APBB1IP: variants seen among roughly 807,000 people sequenced by gnomAD.
APBB1IP encodes amyloid beta precursor protein binding family B member 1 interacting protein.
Under a neutral mutation model 64.9 loss-of-function variants are expected in APBB1IP, and 27 were observed. The observed-to-expected ratio is 0.42, with a 90% CI of 0.31 to 0.57. The LOEUF is 0.57. APBB1IP is among the 20% of genes least tolerant of loss of function. The pLI is 0.20. For synonymous variants in APBB1IP, 392 were observed against 331.0 expected, an observed-to-expected ratio of 1.18 and a Z score of -2.00; for missense variants, 812 against 845.5, an observed-to-expected ratio of 0.96 and a Z score of 0.49.
At chr10:26,551,210 G>T (rs924109159) in intron 11 of APBB1IP, among the ~76,000 whole-genome samples, 2 of 152,172 alleles carry the variant, frequency 1.3e-5, no homozygotes, top group African/African-American at 2.4e-5. Flanking sequence ...TTTGTCCCTT[G>T]CTGGCCTCAC....
rs1052552657 is a variant in APBB1IP at position 26,513,736 on chromosome 10, G to T, written c.813+76G>T. The T allele has an allele frequency of 6.7e-6, 10 of 1,484,658 alleles. 1 individual carries two copies. The African/African-American group carries it at 8.6e-5, about 13-fold the overall frequency. 92.0% of individuals were successfully genotyped at this position (1,484,658 alleles called of 1,614,324 possible). On this transcript the variant is annotated intron_variant, in intron 8 of 14. Coordinates refer to ENST00000376236, the MANE Select transcript of APBB1IP (RefSeq NM_019043.4). ...TTTTTTTTGAGACGGAGTCTCAAAG[G>T]CTGGAGACAGGGTCTGAAAGGCTGG...
intron 10 of APBB1IP, among the ~76,000 whole-genome samples, chr10:26,538,996 T>C (rs1000926713): frequency 3.1e-4 from 47 of 152,224 alleles, no homozygotes; most frequent in African/African-American, 1.0e-3. Flanking sequence ...ATTCAACAAA[T>C]AGAACTGAAA....
intron 2 of APBB1IP, among the ~76,000 whole-genome samples, chr10:26,460,950 G>A (rs937589100): frequency 6.6e-6 from 1 of 152,146 alleles, no homozygotes; most frequent in African/African-American, 2.4e-5. Flanking sequence ...TTCACTTCAT[G>A]TTGCTAATTT....
chr10:26,530,359 G>A (rs1347598482), intron 8 of APBB1IP, among the ~76,000 whole-genome samples: 4 of 151,178 alleles, frequency 2.6e-5, no homozygotes, highest in African/African-American at 4.9e-5. Flanking sequence ...CATTATGCCC[G>A]GCTCTGTACT....
chr10:26,448,326 CT>C (rs1192351095), intron 2 of APBB1IP, among the ~76,000 whole-genome samples: 1 of 152,106 alleles, frequency 6.6e-6, no homozygotes, highest in Admixed American at 6.6e-5. Flanking sequence ...TATAGGCATC[CT>C]GCCAGTAATA....
intron 2 of APBB1IP, among the ~76,000 whole-genome samples, chr10:26,446,414 T>TGTAA (rs1221507614): frequency 6.6e-6 from 1 of 152,216 alleles, no homozygotes; most frequent in Non-Finnish European, 1.5e-5. Context: ...TTTCCCTTGT[T>TGTAA]GTAAGCAACA....
chr10:26,507,051 A>T (rs76099571), intron 6 of APBB1IP, among the ~76,000 whole-genome samples: 1 of 152,202 alleles, frequency 6.6e-6, no homozygotes, highest in Non-Finnish European at 1.5e-5. Context: ...GGAGGTGGGG[A>T]AAAAAGGAAG....
chr10:26,481,018 G>C (rs1835828625), intron 2 of APBB1IP, among the ~76,000 whole-genome samples: 1 of 151,908 alleles, frequency 6.6e-6, no homozygotes, highest in African/African-American at 2.4e-5. Context: ...GGTCACAGTA[G>C]GTCCTAAATA....
At chr10:26,557,217 C>CA (rs1184310912) in intron 11 of APBB1IP, among the ~76,000 whole-genome samples, 1 of 152,142 alleles carries the variant, frequency 6.6e-6, no homozygotes, top group Non-Finnish European at 1.5e-5. Context: ...ATTGAACCGC[C>CA]AAAACAGTAA....
chr10:26,520,800 C>T (rs1836392901), intron 8 of APBB1IP, among the ~76,000 whole-genome samples: 1 of 152,190 alleles, frequency 6.6e-6, no homozygotes, highest in African/African-American at 2.4e-5. Flanking sequence ...GTACTTCCTA[C>T]CTCACAAAAT....
At chr10:26,561,042 T>C (rs1017490718) in intron 13 of APBB1IP, among the ~76,000 whole-genome samples, 198 bp downstream of exon 13, 9 of 148,800 alleles carry the variant, frequency 6.0e-5, no homozygotes, top group African/African-American at 2.0e-4. Context: ...TCTTTTTCTT[T>C]TCTTTTTTTC....
intron 4 of APBB1IP, among the ~76,000 whole-genome samples, chr10:26,497,565 T>C (rs2132434795): frequency 6.6e-6 from 1 of 151,726 alleles, no homozygotes; most frequent in Admixed American, 6.6e-5. Context: ...AAAAAAAGTC[T>C]TGAAACAATC....
chr10:26,526,487 G>A (rs530575381), intron 8 of APBB1IP, among the ~76,000 whole-genome samples: 70 of 149,984 alleles, frequency 4.7e-4, no homozygotes, highest in Admixed American at 1.8e-3. Context: ...TTGGGAGGCC[G>A]AGGCAGGCAG....
intron 8 of APBB1IP, among the ~76,000 whole-genome samples, chr10:26,517,266 C>A (rs1460268683): frequency 6.6e-6 from 1 of 152,178 alleles, no homozygotes; most frequent in South Asian, 2.1e-4. Flanking sequence ...AGTGAACCAA[C>A]CCATGTAATT....
At chr10:26,504,696 C>T (rs1034567102) in intron 6 of APBB1IP, among the ~76,000 whole-genome samples, 5 of 149,756 alleles carry the variant, frequency 3.3e-5, no homozygotes, top group South Asian at 4.2e-4. Flanking sequence ...GACTCCAGAG[C>T]GAGACTCCAT....
chr10:26,558,346 T>A (rs926744300), intron 11 of APBB1IP, among the ~76,000 whole-genome samples: 2 of 152,190 alleles, frequency 1.3e-5, no homozygotes, highest in East Asian at 3.8e-4. Context: ...TGTTTCTTGA[T>A]TCTTCAAGTA....
intron 8 of APBB1IP, among the ~76,000 whole-genome samples, chr10:26,522,200 AT>A (rs56204137): frequency 0.31 from 36,124 of 117,400 alleles, 4,479 homozygotes; most frequent in East Asian, 0.52. Context: ...ATAAGTTTTT[AT>A]TTTTTTTATA....
At position 26,545,699 on chromosome 10, in the gene APBB1IP, G is replaced by C. The variant is rs533455584; in HGVS notation, c.1155+4007G>C. Among the ~76,000 whole-genome samples the C allele has an allele frequency of 2.6e-5, 4 of 151,872 alleles. No individual in the cohort carries two copies. In the South Asian group the frequency reaches 8.3e-4, roughly 32 times the overall value. On this transcript the variant is annotated intron_variant, in intron 11 of 14. Transcript: ENST00000376236. ...GGCGTGAACCCGGGAGGCGGAGCTTGCAGTGAGCCGAGATCGCGCCACTGC... is the reference window on the plus strand; with the variant it reads ...GGCGTGAACCCGGGAGGCGGAGCTTCCAGTGAGCCGAGATCGCGCCACTGC...
intron 2 of APBB1IP, among the ~76,000 whole-genome samples, chr10:26,447,018 GATT>G (rs1835407204): frequency 6.6e-6 from 1 of 152,150 alleles, no homozygotes; most frequent in Non-Finnish European, 1.5e-5. Flanking sequence ...TGCAGATAAT[GATT>G]ATAGGACAGA....
Sources: allele counts gnomAD v4.1 joint callset (sites outside exome capture counted in the v4.1 genomes callset), GRCh38; gene constraint gnomAD v4.1.1; transcripts MANE v1.5; gene names NCBI Gene and HGNC (gene_info 2026-07-23, HGNC 2026-07-21).